PCLO: variants seen among roughly 807,000 people sequenced by gnomAD.
PCLO encodes the protein protein piccolo.
PCLO carries 82 observed loss-of-function variants against 427.5 expected under a neutral mutation model. The observed-to-expected ratio is 0.19, with a 90% CI of 0.16 to 0.23. The LOEUF is 0.23. PCLO is among the 10% of genes least tolerant of loss of function. The pLI, the probability that PCLO is intolerant of heterozygous loss-of-function variation, is 1.00. For missense variants in PCLO, 6,239 were observed against 6,115.9 expected (o/e 1.02, Z -0.67); for synonymous variants, 2,357 against 2,155.4 (o/e 1.09, Z -2.59).
At chr7:82,865,720 T>C (rs1246325942) in intron 10 of PCLO, among the ~76,000 whole-genome samples, 1 of 152,116 alleles carries the variant, frequency 6.6e-6, no homozygotes, top group Non-Finnish European at 1.5e-5. Flanking sequence ...CATATTGAGA[T>C]CATTTTCATT....
chr7:82,862,651 C>T (rs536637445), intron 10 of PCLO, among the ~76,000 whole-genome samples: 1 of 149,050 alleles, frequency 6.7e-6, no homozygotes, highest in Non-Finnish European at 1.5e-5. Context: ...GACATATACA[C>T]AATGGGGTAC....
intron 3 of PCLO, among the ~76,000 whole-genome samples, chr7:83,057,313 T>C (rs1228462939): frequency 1.2e-4 from 6 of 49,932 alleles, no homozygotes; most frequent in Admixed American, 6.8e-4. Context: ...AATCATTATA[T>C]ATACATATAT....
intron 20 of PCLO, 142 bp downstream of exon 20, chr7:82,822,353 G>A (rs551461311): frequency 1.2e-5 from 18 of 1,529,836 alleles, no homozygotes; most frequent in South Asian, 1.1e-4. Flanking sequence ...TATTTATATC[G>A]TTCTTACACA....
chr7:83,124,341 G>A lies in PCLO; in HGVS notation c.3300+9909C>T, dbSNP rs182836480. 3.9e-4 allele frequency among the ~76,000 whole-genome samples: 54 copies of A among 139,884 alleles called. 1 individual carries two copies. The highest frequency in any genetic ancestry group is 1.2e-3 in the African/African-American group (46 of 36,968). The allele number at this position is 139,884 out of a possible 152,430, so 91.8% of individuals were successfully genotyped here. ...TGTACTCCAGCCTGGGCGGAAGAGC[G>A]AGACTCCGTCTCAAAAAAAAAAAAA... is the stretch of plus-strand genomic sequence containing the variant. On this transcript the variant is annotated intron_variant, in intron 3 of 24. Transcript: ENST00000333891.
chr7:82,816,067 T>C (rs1302563716), intron 20 of PCLO, among the ~76,000 whole-genome samples: 1 of 152,094 alleles, frequency 6.6e-6, no homozygotes, highest in Non-Finnish European at 1.5e-5. Context: ...GTAATAAAAA[T>C]GGAAAAGAAT....
chr7:82,843,637 C>T (rs1792423567), intron 13 of PCLO, among the ~76,000 whole-genome samples: 1 of 151,266 alleles, frequency 6.6e-6, no homozygotes, highest in African/African-American at 2.4e-5. Flanking sequence ...TGTTAATTAG[C>T]TCAATGTAGC....
At chr7:83,150,068 A>G (rs1334365892) in intron 2 of PCLO, among the ~76,000 whole-genome samples, 1 of 152,214 alleles carries the variant, frequency 6.6e-6, no homozygotes, top group African/African-American at 2.4e-5. Context: ...AACATTCTGA[A>G]AAGTGATAAG....
intron 9 of PCLO, among the ~76,000 whole-genome samples, chr7:82,887,170 T>C (rs1793647033): frequency 6.6e-6 from 1 of 152,090 alleles, no homozygotes; most frequent in South Asian, 2.1e-4. Context: ...ATACCATTTT[T>C]ACAACAAAGC....
chr7:82,807,577 T>A (rs553782042), intron 20 of PCLO, among the ~76,000 whole-genome samples: 5 of 152,232 alleles, frequency 3.3e-5, no homozygotes, highest in African/African-American at 9.6e-5. Context: ...TAGGATCAAG[T>A]CTTGCAAAGG....
At chr7:83,123,512 T>C (rs1212498199) in intron 3 of PCLO, among the ~76,000 whole-genome samples, 1 of 152,130 alleles carries the variant, frequency 6.6e-6, no homozygotes, top group East Asian at 1.9e-4. Flanking sequence ...GATCTGAAAC[T>C]ATGAATCTAC....
At chr7:82,793,759 T>C (rs1479367972) in intron 22 of PCLO, among the ~76,000 whole-genome samples, 1 of 152,202 alleles carries the variant, frequency 6.6e-6, no homozygotes, top group East Asian at 1.9e-4. Flanking sequence ...TGCATGGCTA[T>C]TGTCTTTAGA....
At chr7:83,105,211 A>C (rs1225868021) in intron 3 of PCLO, among the ~76,000 whole-genome samples, 1 of 152,186 alleles carries the variant, frequency 6.6e-6, no homozygotes, top group Non-Finnish European at 1.5e-5. Context: ...TCACTTAACA[A>C]AAATTTTATT....
intron 3 of PCLO, among the ~76,000 whole-genome samples, chr7:83,011,908 A>T (rs1788086649): frequency 6.6e-6 from 1 of 152,208 alleles, no homozygotes; most frequent in South Asian, 2.1e-4. Flanking sequence ...TCTGAATGAC[A>T]GACTCTGCTA....
intron 3 of PCLO, among the ~76,000 whole-genome samples, chr7:83,126,505 C>T (rs80070313): frequency 0.018 from 2,728 of 151,640 alleles, 90 homozygotes; most frequent in African/African-American, 0.063. Flanking sequence ...AATATATACA[C>T]GTACTATGTA....
At chr7:82,879,289 A>T (rs201983700) in intron 10 of PCLO, 48 bp downstream of exon 10, 384 of 1,479,174 alleles carry the variant, frequency 2.6e-4, no homozygotes, top group Middle Eastern at 5.3e-4. Context: ...AAATGTATTT[A>T]ATATGAGTGC....
chr7:82,921,575 A>G (rs962669748), intron 6 of PCLO, among the ~76,000 whole-genome samples: 4 of 152,056 alleles, frequency 2.6e-5, no homozygotes, highest in African/African-American at 9.7e-5. Flanking sequence ...CTTTCCTTAT[A>G]CCATATACAG....
intron 3 of PCLO, among the ~76,000 whole-genome samples, chr7:83,096,326 A>G (rs963964033): frequency 2.6e-5 from 4 of 152,094 alleles, no homozygotes; most frequent in African/African-American, 9.7e-5. Flanking sequence ...CCACATCTGC[A>G]CTTCAGAAAT....
At chr7:82,821,546 C>G (rs1791791542) in intron 20 of PCLO, 2 of 978,394 alleles carry the variant, frequency 2.0e-6, no homozygotes, top group Non-Finnish European at 2.4e-6. Flanking sequence ...TTAGAAGTAA[C>G]AGGGTACCTA....
chr7:82,896,195 T>C (rs757418536), intron 9 of PCLO, among the ~76,000 whole-genome samples: 10 of 151,800 alleles, frequency 6.6e-5, no homozygotes, highest in Non-Finnish European at 4.4e-5. Flanking sequence ...CAATAAAAAT[T>C]ACATATTATA....
Sources: allele counts gnomAD v4.1 joint callset (sites outside exome capture counted in the v4.1 genomes callset), GRCh38; gene constraint gnomAD v4.1.1; transcripts MANE v1.5; gene names NCBI Gene and HGNC (gene_info 2026-07-23, HGNC 2026-07-21).